The following CCDC141 variants were observed in gnomAD, a reference collection of about 807,000 sequenced individuals.
CCDC141 encodes coiled-coil domain containing 141.
CCDC141 carries 168 observed loss-of-function variants against 181.0 expected under a neutral mutation model. The observed-to-expected ratio is 0.93, with a 90% CI of 0.82 to 1.05. The LOEUF (loss-of-function observed/expected upper bound fraction) is 1.05, where lower values mean the gene tolerates loss of function less well. CCDC141 is among the 50% of genes least tolerant of loss of function. The probability of loss-of-function intolerance (pLI) is 0.00; values close to 1 mark genes in which losing one functional copy is unlikely to be tolerated. For synonymous variants in CCDC141, 666 were observed against 642.3 expected (o/e 1.04, Z -0.56); for missense variants, 1,902 against 1,788.5 (o/e 1.06, Z -1.14).
At chr2:178,991,227 G>C (rs181649353) in intron 2 of CCDC141, among the ~76,000 whole-genome samples, 2 of 152,186 alleles carry the variant, frequency 1.3e-5, no homozygotes, top group East Asian at 3.9e-4. Flanking sequence ...CTTTCTCTTT[G>C]TTTTTCAGAC....
At chr2:178,955,580 C>T (rs1553489600) in intron 5 of CCDC141, among the ~76,000 whole-genome samples, 1 of 151,130 alleles carries the variant, frequency 6.6e-6, no homozygotes, top group Non-Finnish European at 1.5e-5. Context: ...TTCAATGTAA[C>T]AAAAAAACAG....
intron 2 of CCDC141, among the ~76,000 whole-genome samples, chr2:179,008,958 C>T (rs1303077283): frequency 1.3e-5 from 2 of 152,184 alleles, no homozygotes; most frequent in African/African-American, 2.4e-5. Flanking sequence ...AGGCCTTCTG[C>T]ATTTCAGCCA....
At chr2:178,837,832 A>G (rs1426029892) in intron 22 of CCDC141, 88 bp from the exon 23 acceptor site, 16 of 1,403,726 alleles carry the variant, frequency 1.1e-5, no homozygotes, top group Non-Finnish European at 1.5e-5. Context: ...TCAGAGAGAT[A>G]ACTCGAGACA....
chr2:179,029,203 T>A lies in CCDC141; in HGVS notation c.225+18081A>T, dbSNP rs2042939108. Among the ~76,000 whole-genome samples the A allele has an allele frequency of 2.6e-5, 4 of 152,202 alleles. No homozygotes were observed. The South Asian group carries it at 8.3e-4, about 32-fold the overall frequency. The stretch of plus-strand genomic sequence containing the variant: ...TTTGAGATCCAAATAAATACTTCCC[T>A]CTCTTGGGCTGATGACTATGAGCCA... On this transcript the variant is annotated intron_variant, in intron 2 of 23. Coordinates refer to ENST00000443758, the MANE Select transcript of CCDC141 (RefSeq NM_173648.4).
intron 8 of CCDC141, among the ~76,000 whole-genome samples, chr2:178,903,989 A>C (rs977300789): frequency 6.6e-6 from 1 of 152,146 alleles, no homozygotes; most frequent in African/African-American, 2.4e-5. Context: ...TCCAGGCACA[A>C]TAAGTGTCTC....
chr2:178,871,402 C>G, intron 14 of CCDC141, 25 bp downstream of exon 14: 1 of 1,601,090 alleles, frequency 6.2e-7, no homozygotes, highest in South Asian at 1.1e-5. Context: ...TCCATTCACC[C>G]AAATCCAGCA....
At chr2:179,015,231 C>CAT (rs376915970) in intron 2 of CCDC141, among the ~76,000 whole-genome samples, 11 of 104,382 alleles carry the variant, frequency 1.1e-4, no homozygotes, top group African/African-American at 4.1e-4. Flanking sequence ...ATATATACCT[C>CAT]ATATATATAT....
chr2:179,012,016 A>G (rs2042283894), intron 2 of CCDC141, among the ~76,000 whole-genome samples: 4 of 152,190 alleles, frequency 2.6e-5, no homozygotes. Context: ...TACATCAAAA[A>G]GACTGAAAGA....
intron 12 of CCDC141, 167 bp downstream of exon 12, chr2:178,877,797 C>T (rs1686413361): frequency 2.9e-6 from 2 of 685,406 alleles, no homozygotes; most frequent in Admixed American, 5.7e-5. Flanking sequence ...CTAGGCCAAG[C>T]AAGCATTTAA....
chr2:178,896,689 ACAGAGTAGTT>A (rs1687424106), intron 8 of CCDC141, among the ~76,000 whole-genome samples: 2 of 152,122 alleles, frequency 1.3e-5, no homozygotes, highest in Admixed American at 1.3e-4. Context: ...TGGCAACCTA[ACAGAGTAGTT>A]CAGATCAGCT....
chr2:178,979,190 T>G (rs1691256510), intron 2 of CCDC141, among the ~76,000 whole-genome samples: 1 of 152,124 alleles, frequency 6.6e-6, no homozygotes, highest in African/African-American at 2.4e-5. Context: ...TAACCAACAT[T>G]ATCTACTGTT....
intron 8 of CCDC141, among the ~76,000 whole-genome samples, chr2:178,897,421 C>G (rs1394607914): frequency 6.6e-6 from 1 of 152,156 alleles, no homozygotes; most frequent in African/African-American, 2.4e-5. Context: ...CAAATGAAAA[C>G]TGTGGGAAAA....
chr2:178,990,577 A>G (rs866553825), intron 2 of CCDC141, among the ~76,000 whole-genome samples: 5,701 of 49,432 alleles, frequency 0.12, 155 homozygotes, highest in Middle Eastern at 0.19. Flanking sequence ...AGAGAAGGGG[A>G]GGGGAGTGGA....
At chr2:178,870,473 C>A (rs565736372) in intron 14 of CCDC141, among the ~76,000 whole-genome samples, 2 of 152,190 alleles carry the variant, frequency 1.3e-5, no homozygotes, top group Non-Finnish European at 2.9e-5. Context: ...GAGGAACTTA[C>A]ACGTACATGC....
At chr2:178,855,292 A>G in intron 19 of CCDC141, 55 bp downstream of exon 19, 1 of 1,483,370 alleles carries the variant, frequency 6.7e-7, no homozygotes, top group South Asian at 1.3e-5. Flanking sequence ...TAAAGTTGCA[A>G]AATGATTTTT....
intron 2 of CCDC141, among the ~76,000 whole-genome samples, chr2:179,014,772 T>G (rs1371770741): frequency 6.6e-6 from 1 of 151,384 alleles, no homozygotes; most frequent in Non-Finnish European, 1.5e-5. Flanking sequence ...CAAAAAACAG[T>G]AGATGTTGGC....
chr2:179,017,689 C>T (rs534717475), intron 2 of CCDC141, among the ~76,000 whole-genome samples: 8 of 152,086 alleles, frequency 5.3e-5, no homozygotes. Flanking sequence ...AACACATATT[C>T]TCAGATATTT....
At chr2:178,998,240 G>A (rs115500983) in intron 2 of CCDC141, among the ~76,000 whole-genome samples, 1,594 of 152,112 alleles carry the variant, frequency 0.01, 30 homozygotes, top group African/African-American at 0.036. Context: ...CTCTATTAAA[G>A]CTAAAACCAA....
the CCDC141 span, among the ~76,000 whole-genome samples, chr2:178,818,141 T>G: frequency 6.6e-6 from 1 of 152,096 alleles, no homozygotes; most frequent in Non-Finnish European, 1.5e-5. Flanking sequence ...TTTTCAGAAG[T>G]CTTTCTAAAC....
Sources: allele counts gnomAD v4.1 joint callset (sites outside exome capture counted in the v4.1 genomes callset), GRCh38; gene constraint gnomAD v4.1.1; transcripts MANE v1.5; gene names NCBI Gene and HGNC (gene_info 2026-07-23, HGNC 2026-07-21).